The following SLC14A1 variants were observed in gnomAD, a reference collection of about 807,000 sequenced individuals.
SLC14A1 encodes the protein urea transporter 1.
A neutral mutation model predicts 39.6 loss-of-function variants in SLC14A1; 36 were observed. That is an observed-to-expected ratio of 0.91 (90% CI 0.70 to 1.20). SLC14A1 has a LOEUF of 1.20. Ranked by LOEUF, SLC14A1 falls within the 50% of genes most tolerant of loss-of-function variation. The pLI, the probability that SLC14A1 is intolerant of heterozygous loss-of-function variation, is 0.00. For synonymous variants in SLC14A1, 164 were observed against 173.6 expected (o/e 0.94, Z 0.43); for missense variants, 469 against 478.7 (o/e 0.98, Z 0.19).
At chr18:45,730,090 C>T in intron 2 of SLC14A1, 1 of 487,944 alleles carries the variant, frequency 2.0e-6, no homozygotes. Flanking sequence ...AGAACATTCT[C>T]ATGGTAGCAT....
chr18:45,729,224 T>C (rs980351008), intron 2 of SLC14A1: 1 of 152,208 alleles, frequency 6.6e-6, no homozygotes, highest in Non-Finnish European at 1.5e-5. Flanking sequence ...GATTTTGGCG[T>C]TTCCCTGCTT....
chr18:45,742,674 TTTTA>T (rs2047418468), intron 8 of SLC14A1, among the ~76,000 whole-genome samples: 1 of 40,554 alleles, frequency 2.5e-5, no homozygotes, highest in East Asian at 1.6e-3. Flanking sequence ...GAGTTTTTTG[TTTTA>T]TGTTGTTGTT....
At position 45,752,288 on chromosome 18, in the gene SLC14A1, C is replaced by T; in HGVS notation, c.*2337C>T. ...GAGAACCAGAGGCCTCTAAAATGGA[C>T]CCGAGTCGATCTTCAGAACAGGGAT... On this transcript the variant is annotated 3_prime_UTR_variant, in exon 10 of 10. Coordinates refer to ENST00000321925, the MANE Select transcript of SLC14A1 (RefSeq NM_015865.7). 2.1e-6 allele frequency: 2 copies of T among 969,174 alleles called. No individual in the cohort carries two copies. Among genetic ancestry groups the T allele is most frequent in the Non-Finnish European group, 2.5e-6 (2 of 815,184 alleles). The allele number at this position is 969,174 out of a possible 1,614,324, so 60.0% of individuals were successfully genotyped here.
At chr18:45,727,213 C>T in intron 2 of SLC14A1, 1 of 1,529,894 alleles carries the variant, frequency 6.5e-7, no homozygotes, top group Non-Finnish European at 8.9e-7. Flanking sequence ...AGAGCTAGGG[C>T]ACACGTCATG....
In SLC14A1 at chr18:45,740,535, A is replaced by T. The variant is rs910369521; in HGVS notation, c.946+873A>T. Among the ~76,000 whole-genome samples, 6 of 149,854 alleles carry T rather than the reference A, an allele frequency of 4.0e-5. No homozygotes were observed. In the East Asian group the frequency reaches 9.8e-4, roughly 24 times the overall value. On this transcript the variant is annotated intron_variant, in intron 8 of 9. Transcript: ENST00000321925. ...GACTTCATCTCAAAAAAAAAAAAAA[A>T]AGAGAAAAGAAAAAAAAAGAAAAAG...
At chr18:45,732,554 G>A (rs7230298) in intron 4 of SLC14A1, among the ~76,000 whole-genome samples, 64,617 of 152,018 alleles carry the variant, frequency 0.43, 14,498 homozygotes, top group East Asian at 0.52. Flanking sequence ...TAATGTACGT[G>A]ACATCATCTT....
chr18:45,732,075 G>T (rs1251772172), intron 4 of SLC14A1, among the ~76,000 whole-genome samples: 1 of 152,168 alleles, frequency 6.6e-6, no homozygotes, highest in African/African-American at 2.4e-5. Context: ...GCCAAGAAAA[G>T]GTCTCCTCAG....
Position 45,739,564 on chromosome 18 carries a change from T to G in SLC14A1, c.848T>G (p.Phe283Cys). 1 of 1,614,158 alleles carries G rather than the reference T, an allele frequency of 6.2e-7. No individual in the cohort carries two copies. Among genetic ancestry groups the G allele is most frequent in the South Asian group, 1.1e-5 (1 of 91,084 alleles). The change falls in exon 8 of 10, where the codon TTT (phenylalanine) becomes TGT (cysteine). Residue 283 changes from phenylalanine (F) to cysteine (C), a missense_variant. Physicochemically the swap from Phe to Cys is radical, Grantham distance 205 (BLOSUM62 -2). Transcript: ENST00000321925. ...TCAGCCCCATTTGAGGACATCTACT[T>G]TGGACTCTGGGGTTTCAACAGCTCT... ...SLSAPFEDIY[F>C]GLWGFNSSLA...
At chr18:45,734,580 C>T (rs8095657) in intron 5 of SLC14A1, among the ~76,000 whole-genome samples, 178 bp downstream of exon 5, 64,701 of 152,096 alleles carry the variant, frequency 0.43, 14,539 homozygotes, top group East Asian at 0.52. Context: ...GAGCTGCACA[C>T]TTAAAAATGG....
chr18:45,739,086 G>A lies in SLC14A1; in HGVS notation c.664-77G>A, dbSNP rs558087619. The A allele has an allele frequency of 1.1e-5, 16 of 1,429,052 alleles. No homozygotes were observed. In the African/African-American group the frequency reaches 1.1e-4, roughly 10 times the overall value. The allele number at this position is 1,429,052 out of a possible 1,614,324, so 88.5% of individuals were successfully genotyped here. On this transcript the variant is annotated intron_variant, in intron 6 of 9. Coordinates refer to ENST00000321925, the MANE Select transcript of SLC14A1 (RefSeq NM_015865.7). Reference sequence around the variant, plus strand: ...GGTATGTCCAATCTAAAATTACATTGTAGGAGTTTGTGGGTGTCCTGTGGG... The same window carrying A: ...GGTATGTCCAATCTAAAATTACATTATAGGAGTTTGTGGGTGTCCTGTGGG...
chr18:45,731,864 G>A (rs2047040929), intron 4 of SLC14A1, among the ~76,000 whole-genome samples: 1 of 152,220 alleles, frequency 6.6e-6, no homozygotes, highest in Admixed American at 6.5e-5. Flanking sequence ...TATTCCAGGT[G>A]TCTGAGATCA....
At position 45,748,389 on chromosome 18, in the gene SLC14A1, C is replaced by T. The variant is rs767610085; in HGVS notation, c.960C>T (p.Ala320=). 4.3e-6 allele frequency: 7 copies of T among 1,614,094 alleles called. No individual in the cohort carries two copies. The highest frequency in any genetic ancestry group is 5.9e-6 in the Non-Finnish European group (7 of 1,179,998). Residue 320 remains alanine (A), a synonymous_variant, in exon 9 of 10, where the codon GCC becomes GCT. Coordinates refer to ENST00000321925, the MANE Select transcript of SLC14A1 (RefSeq NM_015865.7). ...TTTTTTCTGTAGCCCTGTTCACGGC[C>T]TATCTTGGAGTCGGCATGGCAAACT... The part of the protein sequence containing the change: ...LLALGCALFT[A]YLGVGMANFM...
In SLC14A1 at chr18:45,737,291, A is replaced by G. The variant is rs185379459; in HGVS notation, c.663+643A>G. 7.2e-3 allele frequency among the ~76,000 whole-genome samples: 1,100 copies of G among 152,334 alleles called. 13 individuals carry two copies. The highest frequency in any genetic ancestry group is 0.012 in the Non-Finnish European group (810 of 68,032). On this transcript the variant is annotated intron_variant, in intron 6 of 9. Coordinates refer to ENST00000321925, the MANE Select transcript of SLC14A1 (RefSeq NM_015865.7). ...TGAGAACCACTGTATCAAGGGGTGA[A>G]TCCTATGTATCTCTTTAAAGATGGC...
chr18:45,739,899 C>T (rs1022735165), intron 8 of SLC14A1: 1 of 578,914 alleles, frequency 1.7e-6, no homozygotes. Flanking sequence ...TATTAATATC[C>T]TAAAACATGG....
chr18:45,729,662 T>C (rs1190295778), intron 2 of SLC14A1: 3 of 152,150 alleles, frequency 2.0e-5, no homozygotes, highest in African/African-American at 7.2e-5. Flanking sequence ...ATTCCAAAAG[T>C]AAAGAGTATC....
At position 45,752,109 on chromosome 18, in the gene SLC14A1, C is replaced by A. The variant is rs2047726593; in HGVS notation, c.*2158C>A. On this transcript the variant is annotated 3_prime_UTR_variant, in exon 10 of 10. Transcript: ENST00000321925. ...TTTGGAACTATGAATTTGCAACTGTCATAGGTTTATGGATATTGCTGTGGA... is the reference window on the plus strand; with the variant it reads ...TTTGGAACTATGAATTTGCAACTGTAATAGGTTTATGGATATTGCTGTGGA... 7.1e-6 allele frequency: 7 copies of A among 985,246 alleles called. No individual in the cohort carries two copies. In the South Asian group the frequency reaches 3.3e-4, roughly 46 times the overall value. 61.0% of individuals were successfully genotyped at this position (985,246 alleles called of 1,614,324 possible). A position where few individuals can be genotyped will look rare whatever the true frequency, so the allele number is the denominator to read the frequency against.
chr18:45,731,424 T>C, intron 4 of SLC14A1: 1 of 605,392 alleles, frequency 1.7e-6, no homozygotes, highest in South Asian at 1.8e-5. Flanking sequence ...GCCAGATTCT[T>C]GTGGCATTAC....
chr18:45,727,197 G>A, intron 2 of SLC14A1: 1 of 1,495,376 alleles, frequency 6.7e-7, no homozygotes. Flanking sequence ...CTTTTGCGTG[G>A]TCATTAGAGC....
At position 45,739,250 on chromosome 18, in the gene SLC14A1, C is replaced by T. The variant is rs150874715; in HGVS notation, c.751C>T (p.Leu251Phe). Residue 251 changes from leucine to phenylalanine, a missense_variant, in exon 7 of 10, where the codon CTC becomes TTC. Coordinates refer to ENST00000321925, the MANE Select transcript of SLC14A1 (RefSeq NM_015865.7). ...TGGIFLGAIL[L>F]SSPLMCLHAA... ...GGGCATTTTCCTGGGAGCCATCCTA[C>T]TCTCCTCCCCACTCATGTGCCTGCA... is the stretch of plus-strand genomic sequence containing the variant. 1 of 1,613,972 alleles carries T rather than the reference C, an allele frequency of 6.2e-7. No individual in the cohort carries two copies. The highest frequency in any genetic ancestry group is 1.3e-5 in the African/African-American group (1 of 74,888).
Sources: allele counts gnomAD v4.1 joint callset (sites outside exome capture counted in the v4.1 genomes callset), GRCh38; gene constraint gnomAD v4.1.1; transcripts MANE v1.5; gene names NCBI Gene and HGNC (gene_info 2026-07-23, HGNC 2026-07-21).